NDST4: variants seen among roughly 807,000 people sequenced by gnomAD.
NDST4 encodes N-heparan sulfate sulfotransferase 4.
NDST4 carries 63 observed loss-of-function variants against 100.8 expected under a neutral mutation model. The ratio of observed to expected loss-of-function variants is 0.62; its 90% CI spans 0.51 to 0.77. NDST4 has a LOEUF of 0.77. Among genes scored for constraint, NDST4 ranks in the 30% least tolerant of loss-of-function variants. The pLI is 0.00. For synonymous variants in NDST4, 377 were observed against 361.8 expected (o/e 1.04, Z -0.48); for missense variants, 943 against 1,018.4 (o/e 0.93, Z 1.01).
intron 2 of NDST4, among the ~76,000 whole-genome samples, chr4:115,020,482 G>A (rs1157566003): frequency 6.6e-6 from 1 of 152,092 alleles, no homozygotes; most frequent in Non-Finnish European, 1.5e-5. Context: ...AACCCTTTTA[G>A]ATATTGGTTT....
chr4:115,032,612 A>G (rs1006838359), intron 2 of NDST4, among the ~76,000 whole-genome samples: 2 of 152,126 alleles, frequency 1.3e-5, no homozygotes, highest in African/African-American at 4.8e-5. Flanking sequence ...ATTAGATTAT[A>G]TAATTAAATA....
chr4:114,845,935 G>T lies in NDST4; in HGVS notation c.2003C>A (p.Ala668Asp), dbSNP rs757216181. Reference protein sequence around the residue: ...TTSDFLFEKSANYFHSEEAPR... With the variant: ...TTSDFLFEKSDNYFHSEEAPR... Reference sequence around the variant, plus strand: ...AGCTTCTTCCGAATGGAAGTAATTAGCACTCTTTTCAAACAGAAAGTCACT... The same window carrying T: ...AGCTTCTTCCGAATGGAAGTAATTATCACTCTTTTCAAACAGAAAGTCACT... Residue 668 changes from alanine to aspartate, a missense_variant, in exon 10 of 14, where the codon GCT becomes GAT. Transcript: ENST00000264363. The T allele has an allele frequency of 6.2e-7, 1 of 1,613,908 alleles. No individual in the cohort carries two copies. Among genetic ancestry groups the T allele is most frequent in the South Asian group, 1.1e-5 (1 of 91,070 alleles).
At chr4:115,007,398 A>G (rs909738911) in intron 2 of NDST4, among the ~76,000 whole-genome samples, 4 of 152,210 alleles carry the variant, frequency 2.6e-5, no homozygotes, top group African/African-American at 9.6e-5. Flanking sequence ...AGTGGCAAGA[A>G]CACAGGCTAT....
chr4:114,969,746 CTT>C (rs1726467573), intron 4 of NDST4, among the ~76,000 whole-genome samples: 1 of 152,140 alleles, frequency 6.6e-6, no homozygotes, highest in African/African-American at 2.4e-5. Context: ...GATTCCATGA[CTT>C]TGCTGTTGTG....
chr4:115,034,703 C>A (rs1196648830), intron 2 of NDST4, among the ~76,000 whole-genome samples: 1 of 151,928 alleles, frequency 6.6e-6, no homozygotes, highest in Non-Finnish European at 1.5e-5. Flanking sequence ...TGGTTGATGA[C>A]CCCAAGCATG....
chr4:115,016,409 C>T (rs1295368703), intron 2 of NDST4, among the ~76,000 whole-genome samples: 1 of 152,082 alleles, frequency 6.6e-6, no homozygotes, highest in South Asian at 2.1e-4. Flanking sequence ...CAGTATTACT[C>T]CTAATGGCTC....
chr4:114,914,151 A>G, intron 6 of NDST4, among the ~76,000 whole-genome samples: 1 of 152,004 alleles, frequency 6.6e-6, no homozygotes, highest in East Asian at 1.9e-4. Flanking sequence ...ATTCATGGAG[A>G]TAGAGAGTAG....
chr4:114,854,031 C>T (rs190300487), intron 7 of NDST4, among the ~76,000 whole-genome samples: 88 of 152,212 alleles, frequency 5.8e-4, no homozygotes, highest in Middle Eastern at 3.4e-3. Context: ...CTGTAGTCAC[C>T]TTGTTGTGCT....
intron 1 of NDST4, among the ~76,000 whole-genome samples, chr4:115,086,075 C>T (rs1729404469): frequency 6.6e-6 from 1 of 152,092 alleles, no homozygotes; most frequent in Non-Finnish European, 1.5e-5. Context: ...ATTATTTAAT[C>T]TGGTTAAAAG....
intron 2 of NDST4, among the ~76,000 whole-genome samples, chr4:115,024,284 C>A (rs1305088799): frequency 1.3e-5 from 2 of 152,152 alleles, no homozygotes; most frequent in Non-Finnish European, 2.9e-5. Context: ...TACCATCATG[C>A]AGCTTCATTC....
intron 2 of NDST4, among the ~76,000 whole-genome samples, chr4:114,978,330 C>T (rs1201971559): frequency 2.6e-5 from 4 of 151,710 alleles, no homozygotes; most frequent in African/African-American, 4.8e-5. Flanking sequence ...ACTTGTGAAC[C>T]TAACTGTTTA....
At chr4:115,086,956 G>A (rs1005957223) in intron 1 of NDST4, among the ~76,000 whole-genome samples, 1 of 151,938 alleles carries the variant, frequency 6.6e-6, no homozygotes, top group African/African-American at 2.4e-5. Flanking sequence ...CAAGTTGAGA[G>A]GTCTGGTAAT....
chr4:114,939,591 A>C (rs1312013284), intron 4 of NDST4, among the ~76,000 whole-genome samples: 1 of 152,162 alleles, frequency 6.6e-6, no homozygotes, highest in African/African-American at 2.4e-5. Flanking sequence ...AAAATCAGCA[A>C]AAAGTATTGA....
intron 11 of NDST4, among the ~76,000 whole-genome samples, chr4:114,837,517 A>G (rs1370936309): frequency 6.6e-6 from 1 of 152,172 alleles, no homozygotes; most frequent in Non-Finnish European, 1.5e-5. Flanking sequence ...CTCAGAAATA[A>G]CACCACACAT....
chr4:115,113,124 G>C (rs376418157), intron 1 of NDST4, among the ~76,000 whole-genome samples: 4 of 151,866 alleles, frequency 2.6e-5, no homozygotes, highest in Admixed American at 1.3e-4. Flanking sequence ...AATATGAAAA[G>C]GCTAAAGTTG....
At chr4:115,043,763 A>G in intron 2 of NDST4, among the ~76,000 whole-genome samples, 1 of 152,120 alleles carries the variant, frequency 6.6e-6, no homozygotes, top group East Asian at 1.9e-4. Flanking sequence ...TAAGATGCCT[A>G]AAATGCTTAC....
chr4:115,004,290 T>C (rs1011943676), intron 2 of NDST4, among the ~76,000 whole-genome samples: 40 of 152,314 alleles, frequency 2.6e-4, no homozygotes, highest in Admixed American at 2.0e-3. Context: ...TATTAACACT[T>C]ACTTGGCTTC....
chr4:115,075,913 G>T (rs570239875), intron 2 of NDST4, 146 bp downstream of exon 2: 4 of 909,916 alleles, frequency 4.4e-6, no homozygotes, highest in African/African-American at 1.7e-5. Flanking sequence ...GTTAAGTCTT[G>T]GTTCAATATT....
chr4:114,962,544 A>T (rs1484540600), intron 4 of NDST4, among the ~76,000 whole-genome samples: 1 of 152,042 alleles, frequency 6.6e-6, no homozygotes, highest in African/African-American at 2.4e-5. Flanking sequence ...TGGAATTTTA[A>T]AAGATTTTTG....
Sources: allele counts gnomAD v4.1 joint callset (sites outside exome capture counted in the v4.1 genomes callset), GRCh38; gene constraint gnomAD v4.1.1; transcripts MANE v1.5; gene names NCBI Gene and HGNC (gene_info 2026-07-23, HGNC 2026-07-21).